GALK2: variants seen among roughly 807,000 people sequenced by gnomAD.
GALK2 encodes N-acetylgalactosamine kinase.
A neutral mutation model predicts 52.4 loss-of-function variants in GALK2; 36 were observed. The observed-to-expected ratio is 0.69, with a 90% confidence interval of 0.53 to 0.91. GALK2 has a LOEUF of 0.91. GALK2 is among the 40% of genes least tolerant of loss of function. The pLI is 0.00. For synonymous variants in GALK2, 176 were observed against 199.1 expected (o/e 0.88, Z 0.98); for missense variants, 579 against 559.1 (o/e 1.04, Z -0.36).
At chr15:49,215,730 T>G (rs779774509) in intron 2 of GALK2, among the ~76,000 whole-genome samples, 1 of 152,236 alleles carries the variant, frequency 6.6e-6, no homozygotes, top group Non-Finnish European at 1.5e-5. Flanking sequence ...CTGGGATTGG[T>G]CACTGGTGTC....
At chr15:49,244,835 C>T (rs1230510031) in intron 5 of GALK2, among the ~76,000 whole-genome samples, 1 of 151,854 alleles carries the variant, frequency 6.6e-6, no homozygotes, top group Non-Finnish European at 1.5e-5. Flanking sequence ...AACTTATAAT[C>T]TTATCAGTAA....
chr15:49,279,494 G>A (rs561419278), intron 5 of GALK2, among the ~76,000 whole-genome samples: 1 of 152,300 alleles, frequency 6.6e-6, no homozygotes, highest in African/African-American at 2.4e-5. Flanking sequence ...AGTCAGGTGA[G>A]GTTCAAATCC....
chr15:49,367,293 C>A (rs2045369553), intron 3 of GALK2, among the ~76,000 whole-genome samples: 1 of 152,138 alleles, frequency 6.6e-6, no homozygotes, highest in African/African-American at 2.4e-5. Flanking sequence ...GCCAAACATA[C>A]TACCAAAGTT....
In GALK2 at chr15:49,217,314, G is replaced by A. The variant is rs1196042284; in HGVS notation, c.266+1G>A. On this transcript the variant is annotated splice_donor_variant, in intron 3 of 9. Transcript: ENST00000560031. LOFTEE classifies it high-confidence loss of function. Reference sequence around the variant, plus strand: ...TGGCCAATACAAATCCCTTGTATCCGTGAGTATTTAAAATTGTTAGTGTGT... The same window carrying A: ...TGGCCAATACAAATCCCTTGTATCCATGAGTATTTAAAATTGTTAGTGTGT... The A allele has an allele frequency of 1.6e-5, 26 of 1,613,490 alleles. No homozygotes were observed. Among genetic ancestry groups the A allele is most frequent in the Non-Finnish European group, 2.0e-5 (24 of 1,179,664 alleles).
At chr15:49,327,812 C>A in intron 9 of GALK2, 140 bp from the exon 10 acceptor site, 1 of 707,064 alleles carries the variant, frequency 1.4e-6, no homozygotes, top group Non-Finnish European at 2.2e-6. Flanking sequence ...TCTTAATGTC[C>A]TAAAATGTTT....
At chr15:49,276,714 C>CAGTA (rs2031726464) in intron 5 of GALK2, among the ~76,000 whole-genome samples, 1 of 152,186 alleles carries the variant, frequency 6.6e-6, no homozygotes, top group Non-Finnish European at 1.5e-5. Flanking sequence ...CTTCCTTTTA[C>CAGTA]AGTGTAGTGC....
intron 5 of GALK2, among the ~76,000 whole-genome samples, chr15:49,264,243 A>G (rs2092265067): frequency 6.6e-6 from 1 of 151,726 alleles, no homozygotes; most frequent in Non-Finnish European, 1.5e-5. Context: ...ACATAGTCCC[A>G]TATTTCTTGG....
At chr15:49,170,088 G>A (rs1288989766), upstream of GALK2, 1 of 878,966 alleles carries the variant, frequency 1.1e-6, no homozygotes, top group Non-Finnish European at 1.6e-6. Context: ...CTAAGAGCAG[G>A]ACGGAGGCTG....
intron 3 of GALK2, chr15:49,225,336 CCA>C (rs1484220545): frequency 2.4e-6 from 1 of 424,744 alleles, no homozygotes; most frequent in Non-Finnish European, 4.7e-6. Flanking sequence ...CAGAAGTGGG[CCA>C]CACAGCAGGA....
At chr15:49,161,090 A>G (rs536789621) in intron 1 of GALK2, among the ~76,000 whole-genome samples, 1 of 152,372 alleles carries the variant, frequency 6.6e-6, no homozygotes, top group South Asian at 2.1e-4. Flanking sequence ...CTGATCACAT[A>G]TATGAAACTG....
intron 1 of GALK2, among the ~76,000 whole-genome samples, chr15:49,192,505 A>ATATG (rs2086836145): frequency 7.2e-6 from 1 of 138,102 alleles, no homozygotes; most frequent in Non-Finnish European, 1.6e-5. Flanking sequence ...ATATATATAT[A>ATATG]TATATATATA....
In GALK2 at chr15:49,186,996, T is replaced by A. The variant is rs192791945; in HGVS notation, c.54-14166T>A. ...TTGATGGTCTTGATGCTTGTGGATG[T>A]TCACTGATGTCTGGACATTGAAGAC... On this transcript the variant is annotated intron_variant, in intron 1 of 9. Coordinates refer to ENST00000560031, the MANE Select transcript of GALK2 (RefSeq NM_002044.4). Among the ~76,000 whole-genome samples the A allele has an allele frequency of 4.6e-5, 7 of 152,348 alleles. No individual in the cohort carries two copies. In the East Asian group the frequency reaches 1.4e-3, roughly 29 times the overall value.
intron 3 of GALK2, among the ~76,000 whole-genome samples, chr15:49,337,011 A>G (rs1388808261): frequency 6.6e-6 from 1 of 152,192 alleles, no homozygotes; most frequent in Non-Finnish European, 1.5e-5. Flanking sequence ...GTTGCTGCAA[A>G]GGACATGAGT....
chr15:49,156,057 C>G, intron 1 of GALK2: 1 of 1,606,856 alleles, frequency 6.2e-7, no homozygotes, highest in African/African-American at 1.3e-5. Flanking sequence ...ATTTAGCCCA[C>G]ACATTGCGGT....
intron 1 of GALK2, among the ~76,000 whole-genome samples, chr15:49,163,417 A>G (rs2084718935): frequency 6.6e-6 from 1 of 151,960 alleles, no homozygotes; most frequent in Non-Finnish European, 1.5e-5. Flanking sequence ...GGGCGCTGAG[A>G]TTTTCACTTA....
chr15:49,162,487 C>T (rs541730745), intron 1 of GALK2, among the ~76,000 whole-genome samples: 2 of 152,254 alleles, frequency 1.3e-5, no homozygotes, highest in African/African-American at 4.8e-5. Flanking sequence ...TGTTTTGTTT[C>T]TCTTGGGTAA....
At position 49,322,705 on chromosome 15, in the gene GALK2, C is replaced by T. The variant is rs966330540; in HGVS notation, c.1169+2900C>T. 1.3e-5 allele frequency among the ~76,000 whole-genome samples: 2 copies of T among 152,150 alleles called. 1 individual carries two copies. Among genetic ancestry groups the T allele is most frequent in the South Asian group, 4.1e-4 (2 of 4,824 alleles). ...GGGCCCAATTGCTCACACCTGTAAT[C>T]CCAGCACTTTGGGAGGCCAAGGCGG... On this transcript the variant is annotated intron_variant, in intron 9 of 9. Coordinates refer to ENST00000560031, the MANE Select transcript of GALK2 (RefSeq NM_002044.4).
At chr15:49,353,933 T>C (rs1217996405) in intron 3 of GALK2, 1 of 152,200 alleles carries the variant, frequency 6.6e-6, no homozygotes, top group Non-Finnish European at 1.5e-5. Flanking sequence ...CAAGTTGTTA[T>C]TCACATATTG....
In GALK2 at chr15:49,282,064, A is replaced by G. The variant is rs1360661559; in HGVS notation, c.582A>G (p.Ser194=). ...TEGGGMDQSI[S]FLAEEGTAKL... is the part of the protein sequence containing the mutation. ...GAGGAGGCATGGACCAGTCTATATC[A>G]TTTCTTGCAGAAGAAGGAACTGTAG... The change falls in exon 6 of 10, where the codon TCA becomes TCG. Residue 194 remains serine (S), a synonymous_variant. Coordinates refer to ENST00000560031, the MANE Select transcript of GALK2 (RefSeq NM_002044.4). 2.5e-6 allele frequency: 4 copies of G among 1,612,748 alleles called. No homozygotes were observed. The highest frequency in any genetic ancestry group is 2.5e-6 in the Non-Finnish European group (3 of 1,178,928).
Sources: gnomAD v4.1 joint callset for allele counts (sites outside exome capture counted in the v4.1 genomes callset) on GRCh38, gnomAD v4.1.1 for gene constraint, MANE v1.5 for transcripts, NCBI Gene and HGNC (gene_info 2026-07-23, HGNC 2026-07-21) for gene names.